The following HDAC4 variants were observed in gnomAD, a reference collection of about 807,000 sequenced individuals.
HDAC4 encodes histone deacetylase 4, also known as histone deacetylase A.
Under a neutral mutation model 135.1 loss-of-function variants are expected in HDAC4, and 16 were observed. The ratio of observed to expected loss-of-function variants is 0.12; its 90% confidence interval spans 0.08 to 0.18. HDAC4 has a LOEUF of 0.18. Ranked by LOEUF, HDAC4 falls within the 10% of genes least tolerant of loss-of-function variation. The pLI is 1.00. For missense variants in HDAC4, 1,143 were observed against 1,511.8 expected (o/e 0.76, Z 4.05); for synonymous variants, 685 against 653.4 (o/e 1.05, Z -0.74).
chr2:239,292,558 C>G (rs760474201), intron 2 of HDAC4, among the ~76,000 whole-genome samples: 8 of 152,184 alleles, frequency 5.3e-5, no homozygotes, highest in Non-Finnish European at 1.0e-4. Flanking sequence ...ACAGACCCAC[C>G]AACCCACATC....
intron 1 of HDAC4, among the ~76,000 whole-genome samples, chr2:239,373,456 C>T (rs1356467006): frequency 6.8e-6 from 1 of 147,202 alleles, no homozygotes; most frequent in Non-Finnish European, 1.5e-5. Flanking sequence ...CCATAGTAAA[C>T]TTTTTGTTGT....
At chr2:239,137,726 GCAC>G (rs749036714) in intron 9 of HDAC4, among the ~76,000 whole-genome samples, 1 of 152,154 alleles carries the variant, frequency 6.6e-6, no homozygotes, top group Non-Finnish European at 1.5e-5. Context: ...TGGCCATGAA[GCAC>G]AGGTGTTCTC....
chr2:239,105,629 C>T (rs537046104), intron 15 of HDAC4, among the ~76,000 whole-genome samples: 1 of 152,296 alleles, frequency 6.6e-6, no homozygotes, highest in Non-Finnish European at 1.5e-5. Context: ...GAGGGCCTCA[C>T]CCCCCAGGCC....
intron 3 of HDAC4, among the ~76,000 whole-genome samples, chr2:239,234,919 C>T (rs1468329851): frequency 1.3e-5 from 2 of 152,198 alleles, no homozygotes; most frequent in East Asian, 3.8e-4. Flanking sequence ...CGTGCCACGC[C>T]TGGTTAAGCA....
chr2:239,304,324 T>C (rs1369293326), intron 2 of HDAC4, among the ~76,000 whole-genome samples: 1 of 152,166 alleles, frequency 6.6e-6, no homozygotes, highest in African/African-American at 2.4e-5. Flanking sequence ...TATTACATGC[T>C]GGGAAGATTA....
chr2:239,061,084 C>T (rs2032627316), intron 24 of HDAC4, among the ~76,000 whole-genome samples: 1 of 152,250 alleles, frequency 6.6e-6, no homozygotes, highest in Non-Finnish European at 1.5e-5. Flanking sequence ...GCGCCACAAT[C>T]GGCTGCATGC....
At chr2:239,219,007 T>G (rs1575439679) in intron 3 of HDAC4, among the ~76,000 whole-genome samples, 1 of 131,870 alleles carries the variant, frequency 7.6e-6, no homozygotes, top group Non-Finnish European at 1.6e-5. Flanking sequence ...AGGAACACTT[T>G]TACACTGTTG....
rs1222525527 is a variant in HDAC4 at position 239,156,752 on chromosome 2, A to G, written c.633T>C (p.Leu211=). ...YWYGKTQHSS[L]DQSSPPQSGV... is the part of the protein sequence containing the mutation. ...CGCTCTGGGGTGGAGAACTCTGGTCAAGGGAACTGTGCTGCGTTTTCCTGG... is the reference window on the plus strand; with the variant it reads ...CGCTCTGGGGTGGAGAACTCTGGTCGAGGGAACTGTGCTGCGTTTTCCTGG... Residue 211 remains leucine (L), a synonymous_variant, in exon 7 of 27, where the codon CTT becomes CTC. Coordinates refer to ENST00000543185, the MANE Select transcript of HDAC4 (RefSeq NM_001378414.1). The G allele has an allele frequency of 6.2e-7, 1 of 1,614,174 alleles. No homozygotes were observed. Among genetic ancestry groups the G allele is most frequent in the Non-Finnish European group, 8.5e-7 (1 of 1,180,034 alleles).
intron 3 of HDAC4, among the ~76,000 whole-genome samples, chr2:239,221,619 C>CGG (rs2153126373): frequency 7.3e-5 from 1 of 13,674 alleles, no homozygotes; most frequent in African/African-American, 1.5e-4. Context: ...GACACACACA[C>CGG]ACACACACAC....
In HDAC4 at chr2:239,359,916, A is replaced by G. The variant is rs1274570635; in HGVS notation, c.-219-6998T>C. ...TTTCTGGAAACCGGCGAGAACACAG[A>G]GTACTTGAGCCAAAGGAAGTGAGAA... On this transcript the variant is annotated intron_variant, in intron 1 of 26. Transcript: ENST00000543185. 2.0e-5 allele frequency among the ~76,000 whole-genome samples: 3 copies of G among 152,216 alleles called. No individual in the cohort carries two copies. The East Asian group carries it at 5.8e-4, about 29-fold the overall frequency.
At position 239,245,491 on chromosome 2, in the gene HDAC4, T is replaced by C. The variant is rs2048411848; in HGVS notation, c.23-8827A>G. Among the ~76,000 whole-genome samples, 1 of 152,198 alleles carries C rather than the reference T, an allele frequency of 6.6e-6. No individual in the cohort carries two copies. The highest frequency in any genetic ancestry group is 2.4e-5 in the African/African-American group (1 of 41,444). On this transcript the variant is annotated intron_variant, in intron 2 of 26. Coordinates refer to ENST00000543185, the MANE Select transcript of HDAC4 (RefSeq NM_001378414.1). This position sits in a 1 kb window ranked among gnomAD's most constrained non-coding sequence, Gnocchi z 4.4. ...GGTATAAGATGATATGTAGGAATCA[T>C]GATTCCTTCTGCTGAGTGTGATAAT...
chr2:239,192,738 T>C (rs1037060487), intron 3 of HDAC4, among the ~76,000 whole-genome samples: 9 of 152,168 alleles, frequency 5.9e-5, no homozygotes, highest in Non-Finnish European at 1.2e-4. Context: ...TGCCCTGCAG[T>C]GACTTCCTAG....
intron 2 of HDAC4, among the ~76,000 whole-genome samples, chr2:239,295,177 G>C (rs2051795967): frequency 6.7e-6 from 1 of 150,072 alleles, no homozygotes; most frequent in South Asian, 2.1e-4. Context: ...CGTAGTGGCG[G>C]GCGCCTGTAG....
Position 239,285,414 on chromosome 2 carries a change from A to G in HDAC4, c.23-48750T>C, listed in dbSNP as rs1160566340. Among the ~76,000 whole-genome samples the G allele has an allele frequency of 6.6e-6, 1 of 152,212 alleles. No individual in the cohort carries two copies. Among genetic ancestry groups the G allele is most frequent in the African/African-American group, 2.4e-5 (1 of 41,462 alleles). ...CTGGGTAAGGAAGGAGAAGCCTTAC[A>G]GCAAGGGGTTCCACCGAGGCTGGGG... On this transcript the variant is annotated intron_variant, in intron 2 of 26. Coordinates refer to ENST00000543185, the MANE Select transcript of HDAC4 (RefSeq NM_001378414.1). This position sits in a 1 kb window ranked among gnomAD's most constrained non-coding sequence, Gnocchi z 4.5.
chr2:239,118,760 C>T (rs1197666235), intron 12 of HDAC4, among the ~76,000 whole-genome samples: 1 of 152,136 alleles, frequency 6.6e-6, no homozygotes, highest in Non-Finnish European at 1.5e-5. Flanking sequence ...CGGGGAGAAA[C>T]AAGTTCAACT....
intron 1 of HDAC4, among the ~76,000 whole-genome samples, chr2:239,371,062 C>T (rs1694574966): frequency 6.6e-6 from 1 of 152,218 alleles, no homozygotes; most frequent in Admixed American, 6.5e-5. Context: ...TCCTGGCAGC[C>T]ACAGGGCAGG....
intron 1 of HDAC4, among the ~76,000 whole-genome samples, chr2:239,366,240 C>G (rs1694207810): frequency 1.3e-5 from 2 of 151,834 alleles, no homozygotes; most frequent in Admixed American, 6.6e-5. Flanking sequence ...GCGTGTGGCA[C>G]TGGCGGACAC....
At chr2:239,317,335 C>A (rs1370265360) in intron 2 of HDAC4, among the ~76,000 whole-genome samples, 3 of 94,252 alleles carry the variant, frequency 3.2e-5, no homozygotes, top group Non-Finnish European at 7.0e-5. Flanking sequence ...GGTGCAGGGG[C>A]CGATCTACAC....
intron 2 of HDAC4, among the ~76,000 whole-genome samples, chr2:239,346,040 C>T (rs56300456): frequency 0.19 from 27,732 of 143,424 alleles, 2,963 homozygotes; most frequent in Non-Finnish European, 0.22. Context: ...ACATACACAC[C>T]GTCTGAAACA....
Sources: gnomAD v4.1 joint callset for allele counts (sites outside exome capture counted in the v4.1 genomes callset) on GRCh38, gnomAD v4.1.1 for gene constraint, Gnocchi (gnomAD v3.1) non-coding constraint, MANE v1.5 for transcripts, NCBI Gene and HGNC (gene_info 2026-07-23, HGNC 2026-07-21) for gene names.